Variants in ASPRV1 observed in about 807,000 individuals in gnomAD.
The protein encoded by ASPRV1 is aspartic peptidase retroviral like 1.
Under a neutral mutation model 11.0 loss-of-function variants are expected in ASPRV1, and 7 were observed. The ratio of observed to expected loss-of-function variants is 0.64; its 90% CI spans 0.36 to 1.20. ASPRV1 has a LOEUF of 1.20. Ranked by LOEUF, ASPRV1 falls within the 50% of genes most tolerant of loss-of-function variation. ASPRV1 has a pLI of 0.02. For synonymous variants in ASPRV1, 136 were observed against 138.4 expected (o/e 0.98, Z 0.12); for missense variants, 299 against 320.0 (o/e 0.93, Z 0.50).
the ASPRV1 span, among the ~76,000 whole-genome samples, chr2:70,040,423 C>T: frequency 7.2e-5 from 11 of 152,140 alleles, no homozygotes; most frequent in East Asian, 2.1e-3. Context: ...TGGAGTCTTG[C>T]TCTGTCACCC....
chr2:70,007,518 CAA>C, the ASPRV1 span, among the ~76,000 whole-genome samples: 2 of 130,514 alleles, frequency 1.5e-5, no homozygotes. Context: ...AACCCTGCCT[CAA>C]AAAAAAAAAG....
the ASPRV1 span, among the ~76,000 whole-genome samples, chr2:70,036,596 A>T: frequency 6.6e-6 from 1 of 152,164 alleles, no homozygotes; most frequent in Non-Finnish European, 1.5e-5. Context: ...ATAAACAAAA[A>T]ACAAAAAAAA....
the ASPRV1 span, among the ~76,000 whole-genome samples, chr2:70,018,783 T>C: frequency 3.3e-5 from 5 of 152,172 alleles, no homozygotes; most frequent in East Asian, 5.8e-4. Context: ...TAAAAGTGGA[T>C]TAAAGACAAA....
chr2:69,960,731 C>T lies in ASPRV1; in HGVS notation c.706G>A (p.Glu236Lys). The T allele has an allele frequency of 1.2e-6, 2 of 1,614,168 alleles. No homozygotes were observed. The highest frequency in any genetic ancestry group is 1.1e-5 in the South Asian group (1 of 91,086). Residue 236 changes from glutamate to lysine, a missense_variant, in exon 1 of 1, where the codon GAA becomes AAA. By Grantham distance (56) the Glu-to-Lys change is moderately conservative. Coordinates refer to ENST00000320256, the MANE Select transcript of ASPRV1 (RefSeq NM_152792.4). ...ATGAGCTCCAGGTCAAACTCATCTT[C>T]CAGGGACCCTCCCACAGGCAGAAGG... ...FRLLPVGGSL[E>K]DEFDLELIEE...
At chr2:69,953,114 T>C in the ASPRV1 span, among the ~76,000 whole-genome samples, 5 of 152,230 alleles carry the variant, frequency 3.3e-5, no homozygotes, top group African/African-American at 7.2e-5. Flanking sequence ...TAGCCAGGAC[T>C]TTCATTTTAC....
chr2:70,034,154 TAA>T, the ASPRV1 span, among the ~76,000 whole-genome samples: 525 of 69,222 alleles, frequency 7.6e-3, no homozygotes, highest in Admixed American at 0.011. Flanking sequence ...CTCCATCTCA[TAA>T]AAAAAAAAAA....
the ASPRV1 span, among the ~76,000 whole-genome samples, chr2:70,037,164 T>C: frequency 2.0e-5 from 3 of 152,236 alleles, no homozygotes; most frequent in East Asian, 5.8e-4. Flanking sequence ...CAAATCCATC[T>C]TCCCCTTCTA....
chr2:70,025,397 GAA>G, the ASPRV1 span, among the ~76,000 whole-genome samples: 29 of 151,382 alleles, frequency 1.9e-4, no homozygotes, highest in African/African-American at 7.0e-4. Context: ...ATCTCCAAAG[GAA>G]AAAAAGAGAG....
the ASPRV1 span, chr2:70,086,319 A>T: frequency 6.6e-6 from 1 of 152,238 alleles, no homozygotes; most frequent in Non-Finnish European, 1.5e-5. Context: ...GGGGAGGCGG[A>T]GTAGCGCCAC....
the ASPRV1 span, among the ~76,000 whole-genome samples, chr2:69,934,434 G>A: frequency 1.3e-5 from 2 of 152,146 alleles, no homozygotes; most frequent in South Asian, 2.1e-4. Flanking sequence ...GTCAGTTGCC[G>A]TGGCTGCTGC....
chr2:69,968,847 G>A, the ASPRV1 span, among the ~76,000 whole-genome samples: 1 of 152,144 alleles, frequency 6.6e-6, no homozygotes, highest in East Asian at 1.9e-4. Context: ...GGCGGCTGCT[G>A]AACGGACTCT....
chr2:69,935,455 T>A, the ASPRV1 span: 2 of 1,611,086 alleles, frequency 1.2e-6, no homozygotes, highest in Non-Finnish European at 8.5e-7. Context: ...AAAGCCAAAT[T>A]GCACATAAAG....
downstream of ASPRV1, among the ~76,000 whole-genome samples, chr2:69,956,081 G>A (rs1009232897): frequency 1.3e-5 from 2 of 152,332 alleles, no homozygotes; most frequent in South Asian, 4.1e-4. Flanking sequence ...AGAAAATAAG[G>A]AAGGGCTCTT....
the ASPRV1 span, among the ~76,000 whole-genome samples, chr2:69,992,451 T>C: frequency 7.2e-5 from 11 of 152,226 alleles, no homozygotes; most frequent in African/African-American, 1.7e-4. Context: ...AGCAGGTTCA[T>C]TGAAAACCTA....
chr2:70,024,249 AAGG>A, the ASPRV1 span, among the ~76,000 whole-genome samples: 3 of 152,212 alleles, frequency 2.0e-5, no homozygotes, highest in Admixed American at 1.3e-4. Context: ...ACTGGATGAG[AAGG>A]AGAATAGTTT....
At chr2:69,976,958 G>A in the ASPRV1 span, among the ~76,000 whole-genome samples, 7 of 152,230 alleles carry the variant, frequency 4.6e-5, 1 homozygote, top group East Asian at 9.7e-4. Context: ...TTGGGAAGCC[G>A]CGGCAGGTGG....
At chr2:70,041,624 G>A in the ASPRV1 span, among the ~76,000 whole-genome samples, 2 of 152,214 alleles carry the variant, frequency 1.3e-5, no homozygotes, top group Non-Finnish European at 2.9e-5. Flanking sequence ...TGAACTAGCA[G>A]TTAAACTTGA....
the ASPRV1 span, among the ~76,000 whole-genome samples, chr2:70,058,709 C>A: frequency 6.6e-6 from 1 of 151,392 alleles, no homozygotes; most frequent in Admixed American, 6.6e-5. Context: ...CCTGCCAGCA[C>A]ACCCGGCTAA....
chr2:69,987,105 C>T, the ASPRV1 span, among the ~76,000 whole-genome samples: 7 of 151,958 alleles, frequency 4.6e-5, no homozygotes, highest in African/African-American at 1.2e-4. Context: ...AGGGAACAGC[C>T]GGAACGAAGA....
Sources: gnomAD v4.1 joint callset for allele counts (sites outside exome capture counted in the v4.1 genomes callset) on GRCh38, gnomAD v4.1.1 for gene constraint, MANE v1.5 for transcripts, NCBI Gene and HGNC (gene_info 2026-07-23, HGNC 2026-07-21) for gene names.